Variants in ASAP2 observed in about 807,000 individuals in gnomAD.
ASAP2 encodes arf-GAP with SH3 domain, ANK repeat and PH domain-containing protein 2.
A neutral mutation model predicts 131.4 loss-of-function variants in ASAP2; 45 were observed. That is an observed-to-expected ratio of 0.34 (90% CI 0.27 to 0.44). The LOEUF (loss-of-function observed/expected upper bound fraction) is 0.44, where lower values mean the gene tolerates loss of function less well. ASAP2 is among the 20% of genes least tolerant of loss of function. ASAP2 has a pLI of 1.00. For synonymous variants in ASAP2, 510 were observed against 503.0 expected (o/e 1.01, Z -0.19); for missense variants, 1,011 against 1,297.0 (o/e 0.78, Z 3.39).
chr2:9,396,202 G>C (rs1676134524), intron 24 of ASAP2, among the ~76,000 whole-genome samples: 1 of 152,094 alleles, frequency 6.6e-6, no homozygotes, highest in Non-Finnish European at 1.5e-5. Context: ...TGAGCCTTCT[G>C]AGGACACTTC....
At chr2:9,367,723 C>T (rs962388910) in intron 15 of ASAP2, among the ~76,000 whole-genome samples, 3 of 152,174 alleles carry the variant, frequency 2.0e-5, no homozygotes, top group African/African-American at 7.2e-5. Context: ...GATCATGCCA[C>T]TGCACTTCGG....
intron 2 of ASAP2, among the ~76,000 whole-genome samples, chr2:9,288,758 A>G (rs1667619700): frequency 1.3e-5 from 2 of 152,054 alleles, no homozygotes; most frequent in Admixed American, 6.6e-5. Context: ...TCTCCAGGCT[A>G]AAGGAGAGCC....
At chr2:9,292,177 GA>G (rs1667857394) in intron 2 of ASAP2, among the ~76,000 whole-genome samples, 1 of 152,110 alleles carries the variant, frequency 6.6e-6, no homozygotes. Context: ...AGGAGGTGGG[GA>G]CAATGAGACC....
At chr2:9,310,373 T>C (rs1669221225) in intron 3 of ASAP2, among the ~76,000 whole-genome samples, 1 of 152,202 alleles carries the variant, frequency 6.6e-6, no homozygotes, top group Non-Finnish European at 1.5e-5. Context: ...AAGGAAAAGC[T>C]GATTATCCTC....
intron 11 of ASAP2, among the ~76,000 whole-genome samples, chr2:9,349,299 A>C (rs983243656): frequency 3.3e-5 from 5 of 152,210 alleles, no homozygotes; most frequent in African/African-American, 1.2e-4. Context: ...AAGTAGCCCT[A>C]AAATTTGCAC....
intron 1 of ASAP2, among the ~76,000 whole-genome samples, chr2:9,229,551 C>T (rs1436679426): frequency 5.3e-5 from 8 of 152,164 alleles, no homozygotes; most frequent in Admixed American, 3.3e-4. Context: ...TAGGGAGGAG[C>T]GGAGCGGTTG....
intron 11 of ASAP2, among the ~76,000 whole-genome samples, chr2:9,349,734 C>A (rs1051705610): frequency 3.9e-5 from 6 of 152,206 alleles, no homozygotes; most frequent in African/African-American, 1.4e-4. Flanking sequence ...AACCCAAATC[C>A]TTCACGCTGC....
intron 20 of ASAP2, among the ~76,000 whole-genome samples, chr2:9,381,869 G>A (rs1431489502): frequency 7.2e-5 from 11 of 151,796 alleles, no homozygotes; most frequent in Non-Finnish European, 1.0e-4. Flanking sequence ...ATGCCAATGC[G>A]CACCAGCCTG....
At chr2:9,373,972 G>A (rs190822381) in intron 16 of ASAP2, among the ~76,000 whole-genome samples, 78 of 152,346 alleles carry the variant, frequency 5.1e-4, no homozygotes, top group Non-Finnish European at 7.2e-4. Context: ...ACGCACATAC[G>A]TCTCATGGTG....
Position 9,403,634 on chromosome 2 carries a change from A to G in ASAP2, c.*307A>G. On this transcript the variant is annotated 3_prime_UTR_variant, in exon 28 of 28. Coordinates refer to ENST00000281419, the MANE Select transcript of ASAP2 (RefSeq NM_003887.3). ...GCCTCTACGGAATTAGCTAAACCTA[A>G]AAATGTTTGCATTAATGAATAAATT... The G allele has an allele frequency of 3.5e-6, 1 of 288,626 alleles. No homozygotes were observed. Among genetic ancestry groups the G allele is most frequent in the Non-Finnish European group, 6.5e-6 (1 of 154,744 alleles). 17.9% of individuals were successfully genotyped at this position (288,626 alleles called of 1,614,324 possible).
intron 1 of ASAP2, among the ~76,000 whole-genome samples, chr2:9,218,393 A>C (rs1256974793): frequency 6.6e-6 from 1 of 152,208 alleles, no homozygotes; most frequent in Non-Finnish European, 1.5e-5. Flanking sequence ...GGCCAAGAAC[A>C]CTGTCACTGT....
chr2:9,248,462 C>T (rs1036398664), intron 1 of ASAP2, among the ~76,000 whole-genome samples: 3 of 151,638 alleles, frequency 2.0e-5, no homozygotes, highest in African/African-American at 2.4e-5. Context: ...GGATAGAACA[C>T]GGGCTTTGGA....
Position 9,319,304 on chromosome 2 carries a change from G to A in ASAP2, c.420+706G>A, listed in dbSNP as rs1048023097. On this transcript the variant is annotated intron_variant, in intron 4 of 27. Transcript: ENST00000281419. ...GGAGACTCAAATTCTTTGGATCTGC[G>A]CACGATTCCTGGGTCCCATCGGGGA... is the stretch of plus-strand genomic sequence containing the variant. Among the ~76,000 whole-genome samples the A allele has an allele frequency of 1.2e-4, 18 of 152,358 alleles. 1 individual carries two copies. Among genetic ancestry groups the A allele is most frequent in the Admixed American group, 5.2e-4 (8 of 15,314 alleles).
intron 2 of ASAP2, among the ~76,000 whole-genome samples, chr2:9,286,677 G>T (rs1341898909): frequency 6.6e-6 from 1 of 152,092 alleles, no homozygotes; most frequent in East Asian, 1.9e-4. Flanking sequence ...TCACTTTGTT[G>T]TTGCACTGCT....
intron 3 of ASAP2, among the ~76,000 whole-genome samples, chr2:9,313,223 C>T (rs1279415706): frequency 6.6e-6 from 1 of 152,212 alleles, no homozygotes; most frequent in Non-Finnish European, 1.5e-5. Context: ...GTTCACTCTT[C>T]TCCACTTGAA....
chr2:9,325,443 G>C (rs1203203806), intron 6 of ASAP2, among the ~76,000 whole-genome samples: 2 of 152,196 alleles, frequency 1.3e-5, no homozygotes, highest in African/African-American at 4.8e-5. Flanking sequence ...AAATTAAGTA[G>C]TAGTGTTTTA....
At chr2:9,346,497 C>T (rs1007112490) in intron 11 of ASAP2, among the ~76,000 whole-genome samples, 4 of 151,690 alleles carry the variant, frequency 2.6e-5, no homozygotes, top group African/African-American at 9.7e-5. Flanking sequence ...TTCTGTAGAC[C>T]AAGGGAAGCA....
chr2:9,236,666 T>C (rs1447447943), intron 1 of ASAP2, among the ~76,000 whole-genome samples: 1 of 152,222 alleles, frequency 6.6e-6, no homozygotes, highest in Non-Finnish European at 1.5e-5. Context: ...TATCTGTTAT[T>C]GTATGTATGT....
rs1171661319 is a variant in ASAP2 at position 9,367,027 on chromosome 2, A to ATTTTTTTTTTTTT, written c.1462-1392_1462-1380dup. ...GTTTGTTAACTCCTTTGCCTGCATA[A>ATTTTTTTTTTTTT]TTTTTTTTTTTTTTTTTTGTAGAGA... On this transcript the variant is annotated intron_variant, in intron 15 of 27. Coordinates refer to ENST00000281419, the MANE Select transcript of ASAP2 (RefSeq NM_003887.3). 5.8e-4 allele frequency among the ~76,000 whole-genome samples: 77 copies of ATTTTTTTTTTTTT among 132,920 alleles called. 3 individuals carry two copies. The highest frequency in any genetic ancestry group is 1.9e-3 in the African/African-American group (61 of 32,312). The allele number at this position is 132,920 out of a possible 152,430, so 87.2% of individuals were successfully genotyped here.
Sources: gnomAD v4.1 joint callset for allele counts (sites outside exome capture counted in the v4.1 genomes callset) on GRCh38, gnomAD v4.1.1 for gene constraint, MANE v1.5 for transcripts, NCBI Gene and HGNC (gene_info 2026-07-23, HGNC 2026-07-21) for gene names.